Variants in FAM114A1 observed in about 807,000 individuals in gnomAD.
FAM114A1 encodes protein NOXP20.
FAM114A1 carries 62 observed loss-of-function variants against 64.3 expected under a neutral mutation model. The observed-to-expected ratio is 0.96, with a 90% CI of 0.79 to 1.19. The LOEUF (loss-of-function observed/expected upper bound fraction) is 1.19. Ranked by LOEUF, FAM114A1 falls within the 50% of genes most tolerant of loss-of-function variation. The probability of loss-of-function intolerance (pLI) is 0.00; values close to 1 mark genes in which losing one functional copy is unlikely to be tolerated. For missense variants in FAM114A1, 645 were observed against 676.3 expected (o/e 0.95, Z 0.51); for synonymous variants, 254 against 251.1 (o/e 1.01, Z -0.11).
chr4:38,880,763 A>C (rs1413673021), intron 3 of FAM114A1, among the ~76,000 whole-genome samples: 6 of 152,252 alleles, frequency 3.9e-5, no homozygotes, highest in African/African-American at 1.4e-4. Context: ...AATATAACTT[A>C]GCCACACCAT....
chr4:38,923,001 C>T lies in FAM114A1; in HGVS notation c.1069+108C>T, dbSNP rs1392291954. ...ATTACTTAATTCAAGTGCTCCTCCT[C>T]CATGCTTCCAAAAGACACTGTGCAT... On this transcript the variant is annotated intron_variant, in intron 9 of 14. Coordinates refer to ENST00000358869, the MANE Select transcript of FAM114A1 (RefSeq NM_138389.4). 23 of 1,254,560 alleles carry T rather than the reference C, an allele frequency of 1.8e-5. No homozygotes were observed. The East Asian group carries it at 6.2e-4, about 34-fold the overall frequency. The allele number at this position is 1,254,560 out of a possible 1,614,324, so 77.7% of individuals were successfully genotyped here. A position where few individuals can be genotyped will look rare whatever the true frequency, so the allele number is the denominator to read the frequency against.
At chr4:38,919,411 C>T in intron 8 of FAM114A1, among the ~76,000 whole-genome samples, 1 of 152,142 alleles carries the variant, frequency 6.6e-6, no homozygotes, top group African/African-American at 2.4e-5. Flanking sequence ...CCAGCCATAC[C>T]CCCTGTAAGC....
chr4:38,888,301 T>C (rs949173136), intron 3 of FAM114A1, among the ~76,000 whole-genome samples: 1 of 151,986 alleles, frequency 6.6e-6, no homozygotes, highest in Admixed American at 6.6e-5. Context: ...AAGGATCACT[T>C]GAGGCCATGA....
At chr4:38,916,698 C>T (rs1251550532) in intron 8 of FAM114A1, among the ~76,000 whole-genome samples, 1 of 152,046 alleles carries the variant, frequency 6.6e-6, no homozygotes, top group South Asian at 2.1e-4. Flanking sequence ...TAGGAGAAAT[C>T]CCTAATGTAA....
intron 4 of FAM114A1, among the ~76,000 whole-genome samples, chr4:38,893,990 C>G (rs976767691): frequency 6.6e-6 from 1 of 151,738 alleles, no homozygotes; most frequent in African/African-American, 2.4e-5. Flanking sequence ...TGGTGAAAAC[C>G]CATCTCTACT....
chr4:38,922,263 T>G (rs1366077031), intron 8 of FAM114A1, among the ~76,000 whole-genome samples: 1 of 152,202 alleles, frequency 6.6e-6, no homozygotes, highest in African/African-American at 2.4e-5. Context: ...TTTATAAGTA[T>G]TGAGCATCAC....
At chr4:38,881,833 C>G (rs1007385214) in intron 3 of FAM114A1, among the ~76,000 whole-genome samples, 1 of 152,256 alleles carries the variant, frequency 6.6e-6, no homozygotes, top group Middle Eastern at 3.4e-3. Flanking sequence ...CCCTGTTGCT[C>G]CAGAGCAGAG....
Position 38,941,168 on chromosome 4 carries a change from C to T in FAM114A1, c.1590+147C>T, listed in dbSNP as rs112421861. ...GTCTTTTTTGAGTAAATTTGTGTAG[C>T]TCAACCAGCTGTAAACCCTCTGATG... On this transcript the variant is annotated intron_variant, in intron 14 of 14. Coordinates refer to ENST00000358869, the MANE Select transcript of FAM114A1 (RefSeq NM_138389.4). 1.7e-3 allele frequency: 1,167 copies of T among 669,718 alleles called. 15 individuals are homozygous for T. In the African/African-American group the frequency reaches 0.019, roughly 11 times the overall value. The allele number at this position is 669,718 out of a possible 1,614,324, so 41.5% of individuals were successfully genotyped here. A position where few individuals can be genotyped will look rare whatever the true frequency, so the allele number is the denominator to read the frequency against.
In FAM114A1 at chr4:38,931,623, T is replaced by A; in HGVS notation, c.1323+11T>A. The A allele has an allele frequency of 6.2e-7, 1 of 1,606,908 alleles. No individual in the cohort carries two copies. The highest frequency in any genetic ancestry group is 8.5e-7 in the Non-Finnish European group (1 of 1,177,364). The stretch of plus-strand genomic sequence containing the variant: ...ACTAAGACCATAGAGGTAAATTCAT[T>A]CTAGATTGTCTGCCTACAAGGTAAT... On this transcript the variant is annotated intron_variant, in intron 11 of 14. Transcript: ENST00000358869.
At chr4:38,933,758 A>T (rs979528853) in intron 12 of FAM114A1, among the ~76,000 whole-genome samples, 2 of 152,216 alleles carry the variant, frequency 1.3e-5, no homozygotes, top group Non-Finnish European at 2.9e-5. Flanking sequence ...TCGTATTATT[A>T]GACAGACACA....
chr4:38,896,629 A>T (rs1311748669), intron 4 of FAM114A1, among the ~76,000 whole-genome samples: 2 of 151,364 alleles, frequency 1.3e-5, no homozygotes, highest in East Asian at 3.9e-4. Context: ...ATTTAAAGTT[A>T]TGTGTGCCTT....
intron 2 of FAM114A1, among the ~76,000 whole-genome samples, chr4:38,873,461 A>G (rs1714287830): frequency 6.6e-6 from 1 of 152,162 alleles, no homozygotes; most frequent in South Asian, 2.1e-4. Context: ...GCCAAGTACT[A>G]TGTAGAATAT....
rs909397701 is a variant in FAM114A1, at chr4:38,929,992, A to G, written c.1161+659A>G. 5.9e-5 allele frequency among the ~76,000 whole-genome samples: 9 copies of G among 152,288 alleles called. No individual in the cohort carries two copies. The East Asian group carries it at 1.2e-3, about 20-fold the overall frequency. ...TATCATCAGGTTAGGGCAGGGAAAAAGGGTGCAGAATCACCAAGAGGCTTT... is the reference window on the plus strand; with the variant it reads ...TATCATCAGGTTAGGGCAGGGAAAAGGGGTGCAGAATCACCAAGAGGCTTT... On this transcript the variant is annotated intron_variant, in intron 10 of 14. Transcript: ENST00000358869.
chr4:38,905,936 AC>A (rs370100413), intron 6 of FAM114A1, 75 bp downstream of exon 6: 20 of 1,285,152 alleles, frequency 1.6e-5, no homozygotes, highest in Non-Finnish European at 2.0e-5. Context: ...TTTACCAGTG[AC>A]CTAGATACAT....
chr4:38,930,828 C>A (rs530924014), intron 10 of FAM114A1, among the ~76,000 whole-genome samples: 50 of 152,122 alleles, frequency 3.3e-4, no homozygotes, highest in Admixed American at 7.2e-4. Flanking sequence ...CATGATTTTG[C>A]AGGGCACAGA....
chr4:38,932,480 G>T, intron 12 of FAM114A1, 106 bp downstream of exon 12: 18 of 1,196,986 alleles, frequency 1.5e-5, no homozygotes, highest in Non-Finnish European at 1.7e-5. Flanking sequence ...GAAGATTCAG[G>T]TTTCTTTTTG....
At chr4:38,896,633 G>A (rs2109630250) in intron 4 of FAM114A1, among the ~76,000 whole-genome samples, 1 of 152,270 alleles carries the variant, frequency 6.6e-6, no homozygotes, top group Admixed American at 6.5e-5. Context: ...AAAGTTATGT[G>A]TGCCTTCCTG....
chr4:38,926,406 G>A (rs189541643), intron 9 of FAM114A1, among the ~76,000 whole-genome samples: 5 of 151,490 alleles, frequency 3.3e-5, no homozygotes, highest in Admixed American at 6.6e-5. Flanking sequence ...GAGAATCTCA[G>A]CTTCTGATGG....
rs1278565300 is a variant in FAM114A1 at position 38,914,699 on chromosome 4, GT to G, written c.793-218del. The G allele has an allele frequency of 8.4e-6, 4 of 474,646 alleles. No individual in the cohort carries two copies. In the East Asian group the frequency reaches 9.6e-5, roughly 11 times the overall value. The allele number at this position is 474,646 out of a possible 1,614,324, so 29.4% of individuals were successfully genotyped here. A position where few individuals can be genotyped will look rare whatever the true frequency, so the allele number is the denominator to read the frequency against. On this transcript the variant is annotated intron_variant, in intron 7 of 14. Coordinates refer to ENST00000358869, the MANE Select transcript of FAM114A1 (RefSeq NM_138389.4). ...TTCCCAGGCATTGAATTTTTGCTTT[GT>G]TTTGCCTTTCACATAATGAACATGT...
Sources: allele counts gnomAD v4.1 joint callset (sites outside exome capture counted in the v4.1 genomes callset), GRCh38; gene constraint gnomAD v4.1.1; transcripts MANE v1.5; gene names NCBI Gene and HGNC (gene_info 2026-07-23, HGNC 2026-07-21).